SCHIP1: variants seen among roughly 807,000 people sequenced by gnomAD.
SCHIP1 encodes the protein schwannomin interacting protein 1.
A neutral mutation model predicts 29.7 loss-of-function variants in SCHIP1; 8 were observed. The observed-to-expected ratio is 0.27, with a 90% confidence interval of 0.16 to 0.49. The LOEUF is 0.49. Among genes scored for constraint, SCHIP1 ranks in the 20% least tolerant of loss-of-function variants. SCHIP1 has a pLI of 0.99. For synonymous variants in SCHIP1, 76 were observed against 94.9 expected (o/e 0.80, Z 1.16); for missense variants, 193 against 294.6 (o/e 0.66, Z 2.52).
chr3:159,882,509 C>A (rs1332900003), intron 2 of SCHIP1, among the ~76,000 whole-genome samples: 1 of 152,180 alleles, frequency 6.6e-6, no homozygotes, highest in Non-Finnish European at 1.5e-5. Flanking sequence ...CCAGCCCAAT[C>A]CCGGTCACTA....
At chr3:159,536,816 G>A in the SCHIP1 span, among the ~76,000 whole-genome samples, 6 of 152,272 alleles carry the variant, frequency 3.9e-5, no homozygotes, top group Middle Eastern at 3.4e-3. Flanking sequence ...ACACAGCTAA[G>A]TAAATTATAT....
the SCHIP1 span, among the ~76,000 whole-genome samples, chr3:159,827,224 T>C: frequency 2.0e-5 from 3 of 152,200 alleles, no homozygotes; most frequent in Admixed American, 2.0e-4. Flanking sequence ...GAACAGTCCA[T>C]GTCGCTGCTT....
the SCHIP1 span, among the ~76,000 whole-genome samples, chr3:159,383,890 C>G: frequency 6.6e-6 from 1 of 151,438 alleles, no homozygotes; most frequent in African/African-American, 2.4e-5. Flanking sequence ...GGAGTTCACT[C>G]ATGATTTGGC....
chr3:159,436,624 G>A, the SCHIP1 span, among the ~76,000 whole-genome samples: 1 of 152,070 alleles, frequency 6.6e-6, no homozygotes, highest in Non-Finnish European at 1.5e-5. Context: ...CCTTAAACTT[G>A]GAGGGTAGAG....
chr3:159,289,615 T>C, the SCHIP1 span, among the ~76,000 whole-genome samples: 1 of 152,236 alleles, frequency 6.6e-6, no homozygotes, highest in Admixed American at 6.5e-5. Context: ...TTTATCATAA[T>C]TTATCACTCC....
At chr3:159,321,266 T>C in the SCHIP1 span, among the ~76,000 whole-genome samples, 2 of 152,290 alleles carry the variant, frequency 1.3e-5, no homozygotes, top group African/African-American at 2.4e-5. Context: ...TGCCTGGACT[T>C]GGTGGTTATT....
chr3:159,652,722 A>C, the SCHIP1 span, among the ~76,000 whole-genome samples: 1 of 152,190 alleles, frequency 6.6e-6, no homozygotes, highest in Non-Finnish European at 1.5e-5. Context: ...GCAGGAGTGA[A>C]AAAAGCCACA....
the SCHIP1 span, among the ~76,000 whole-genome samples, chr3:159,542,492 T>C: frequency 6.6e-6 from 1 of 152,080 alleles, no homozygotes; most frequent in Admixed American, 6.6e-5. Context: ...GGTCTGGCCC[T>C]TTCACTGAGC....
chr3:159,332,338 G>A, the SCHIP1 span, among the ~76,000 whole-genome samples: 1 of 152,086 alleles, frequency 6.6e-6, no homozygotes, highest in African/African-American at 2.4e-5. Flanking sequence ...GGTCAGGTAG[G>A]CCAAACATCT....
the SCHIP1 span, among the ~76,000 whole-genome samples, chr3:159,646,823 G>A: frequency 6.6e-6 from 1 of 152,176 alleles, no homozygotes; most frequent in Non-Finnish European, 1.5e-5. Context: ...TCCAAGGACA[G>A]ACTTCTGAAA....
the SCHIP1 span, among the ~76,000 whole-genome samples, chr3:159,281,504 G>A: frequency 6.6e-6 from 1 of 152,124 alleles, no homozygotes. Context: ...AGTTTTGAAT[G>A]AATGTGCTTA....
At chr3:159,761,225 A>G in the SCHIP1 span, among the ~76,000 whole-genome samples, 1 of 152,224 alleles carries the variant, frequency 6.6e-6, no homozygotes, top group Admixed American at 6.5e-5. Flanking sequence ...GGCAGGAATC[A>G]GTTGGGAAAC....
the SCHIP1 span, among the ~76,000 whole-genome samples, chr3:159,394,153 T>C: frequency 6.7e-6 from 1 of 149,834 alleles, no homozygotes; most frequent in African/African-American, 2.5e-5. Context: ...GTGATTTTTG[T>C]ACATTGATTT....
the SCHIP1 span, among the ~76,000 whole-genome samples, chr3:159,559,151 A>C: frequency 8.5e-5 from 13 of 152,156 alleles, no homozygotes; most frequent in Non-Finnish European, 1.0e-4. Flanking sequence ...ATTTTTTAAA[A>C]AGAAGTTTCT....
chr3:159,824,249 T>C, the SCHIP1 span, among the ~76,000 whole-genome samples: 1 of 152,226 alleles, frequency 6.6e-6, no homozygotes, highest in African/African-American at 2.4e-5. Flanking sequence ...AAACAGAGCA[T>C]TGAATTCTTT....
the SCHIP1 span, among the ~76,000 whole-genome samples, chr3:159,828,408 C>CGT: frequency 6.1e-4 from 20 of 32,936 alleles, no homozygotes; most frequent in Admixed American, 5.6e-3. Context: ...TATATATATA[C>CGT]GTATATATAC....
chr3:159,492,816 G>A, the SCHIP1 span, among the ~76,000 whole-genome samples: 2 of 152,120 alleles, frequency 1.3e-5, no homozygotes, highest in East Asian at 3.9e-4. Flanking sequence ...CACCAAAGTT[G>A]AAATGAAGGA....
the SCHIP1 span, among the ~76,000 whole-genome samples, chr3:159,828,372 T>TAC: frequency 9.4e-6 from 1 of 106,190 alleles, no homozygotes; most frequent in African/African-American, 3.4e-5. Flanking sequence ...TATATATATA[T>TAC]ATACATATAT....
the SCHIP1 span, among the ~76,000 whole-genome samples, chr3:159,436,984 T>C: frequency 7.6e-4 from 115 of 152,224 alleles, no homozygotes; most frequent in African/African-American, 2.5e-3. Context: ...TAGCCTTGAA[T>C]TATAGATGCC....
Sources: allele counts gnomAD v4.1 joint callset (sites outside exome capture counted in the v4.1 genomes callset), GRCh38; gene constraint gnomAD v4.1.1; transcripts MANE v1.5; gene names NCBI Gene and HGNC (gene_info 2026-07-23, HGNC 2026-07-21).